HIPK3: variants seen among roughly 807,000 people sequenced by gnomAD.
HIPK3 encodes the protein homeodomain interacting protein kinase 3, also known as homeodomain-interacting protein kinase 3.
Under a neutral mutation model 124.2 loss-of-function variants are expected in HIPK3, and 47 were observed. The observed-to-expected ratio is 0.38, with a 90% confidence interval of 0.30 to 0.48. The LOEUF (loss-of-function observed/expected upper bound fraction) is 0.48. Ranked by LOEUF, HIPK3 falls within the 20% of genes least tolerant of loss-of-function variation. HIPK3 has a pLI of 0.98. For missense variants in HIPK3, 1,286 were observed against 1,454.3 expected (o/e 0.88, Z 1.88); for synonymous variants, 482 against 515.2 (o/e 0.94, Z 0.87).
intron 2 of HIPK3, among the ~76,000 whole-genome samples, chr11:33,306,223 A>G (rs1852155018): frequency 6.6e-6 from 1 of 152,228 alleles, no homozygotes; most frequent in Non-Finnish European, 1.5e-5. Context: ...GATTTTGAGT[A>G]ATAGTAAAAT....
intron 14 of HIPK3, among the ~76,000 whole-genome samples, chr11:33,349,739 C>T (rs1339308540): frequency 3.9e-5 from 6 of 152,134 alleles, no homozygotes; most frequent in Non-Finnish European, 7.4e-5. Context: ...GCATGAGCCA[C>T]CATACCTAAC....
intron 1 of HIPK3, among the ~76,000 whole-genome samples, chr11:33,284,580 G>A (rs541893344): frequency 6.6e-6 from 1 of 152,252 alleles, no homozygotes; most frequent in African/African-American, 2.4e-5. Context: ...GATCACTCAG[G>A]CCAGGAGTTG....
chr11:33,329,228 T>G (rs994869746), intron 3 of HIPK3, among the ~76,000 whole-genome samples: 12 of 152,236 alleles, frequency 7.9e-5, no homozygotes, highest in Non-Finnish European at 1.5e-4. Flanking sequence ...TGTGTGCTAG[T>G]AGTCTTAAAT....
chr11:33,318,675 C>G (rs1457596017), intron 2 of HIPK3, among the ~76,000 whole-genome samples: 1 of 152,174 alleles, frequency 6.6e-6, no homozygotes, highest in Non-Finnish European at 1.5e-5. Context: ...AGCAAAATCT[C>G]TCTGTCTCTT....
chr11:33,327,738 A>C (rs970767388), intron 2 of HIPK3, among the ~76,000 whole-genome samples: 2 of 152,226 alleles, frequency 1.3e-5, no homozygotes, highest in African/African-American at 4.8e-5. Flanking sequence ...AAAATTAAAC[A>C]CATGCACACT....
chr11:33,304,188 C>G (rs1193424846), intron 2 of HIPK3, among the ~76,000 whole-genome samples: 2 of 152,214 alleles, frequency 1.3e-5, no homozygotes, highest in Non-Finnish European at 2.9e-5. Flanking sequence ...ATCTACCCAC[C>G]TTGGCCTTCC....
At chr11:33,317,955 A>G (rs1852554592) in intron 2 of HIPK3, among the ~76,000 whole-genome samples, 1 of 152,148 alleles carries the variant, frequency 6.6e-6, no homozygotes, top group African/African-American at 2.4e-5. Context: ...CCAAAATAAG[A>G]GCTTTGTTTT....
intron 3 of HIPK3, among the ~76,000 whole-genome samples, chr11:33,331,382 G>T (rs1226165090): frequency 6.6e-6 from 1 of 151,816 alleles, no homozygotes; most frequent in Non-Finnish European, 1.5e-5. Context: ...TGGGGAGTTG[G>T]TATTTTTTTT....
At chr11:33,267,952 T>C (rs1231686242) in intron 1 of HIPK3, among the ~76,000 whole-genome samples, 1 of 152,158 alleles carries the variant, frequency 6.6e-6, no homozygotes, top group Non-Finnish European at 1.5e-5. Flanking sequence ...GGCTCAAACC[T>C]TTAATCCCAG....
chr11:33,257,316 T>G (rs189645263), upstream of HIPK3: 2,691 of 982,980 alleles, frequency 2.7e-3, 196 homozygotes, highest in Admixed American at 0.13. Context: ...GGGCGGGCGG[T>G]GGCGCTGCGG....
At chr11:33,351,071 A>C (rs1348021366) in intron 14 of HIPK3, among the ~76,000 whole-genome samples, 1 of 152,190 alleles carries the variant, frequency 6.6e-6, no homozygotes, top group Non-Finnish European at 1.5e-5. Context: ...TCAGGGCCCA[A>C]GAGTGTCAGG....
rs1853754445 is a variant in HIPK3, at chr11:33,354,211, T to G, written c.*643T>G. On this transcript the variant is annotated 3_prime_UTR_variant, in exon 17 of 17. Transcript: ENST00000303296. The stretch of plus-strand genomic sequence containing the variant: ...ATTCAGACCTACTATTTAGTTTCCT[T>G]TTGATAGCGTAATGTTCATTTTTGT... The G allele has an allele frequency of 6.5e-6, 1 of 152,706 alleles. No homozygotes were observed. Among genetic ancestry groups the G allele is most frequent in the Non-Finnish European group, 1.5e-5 (1 of 68,060 alleles). 9.5% of individuals were successfully genotyped at this position (152,706 alleles called of 1,614,324 possible). A position where few individuals can be genotyped will look rare whatever the true frequency, so the allele number is the denominator to read the frequency against.
At chr11:33,299,779 A>T (rs1275096428) in intron 2 of HIPK3, among the ~76,000 whole-genome samples, 1 of 152,094 alleles carries the variant, frequency 6.6e-6, no homozygotes. Context: ...TTATCCTAGC[A>T]CTTTGGGAGG....
In HIPK3 at chr11:33,286,391, CTT is replaced by C. The variant is rs34512764; in HGVS notation, c.-2-6_-2-5del. The C allele has an allele frequency of 0.15, 165,477 of 1,115,854 alleles. 66 individuals are homozygous for C. The highest frequency in any genetic ancestry group is 0.16 in the Non-Finnish European group (139,058 of 882,184). The allele number at this position is 1,115,854 out of a possible 1,614,324, so 69.1% of individuals were successfully genotyped here. On this transcript the variant is annotated intron_variant, in intron 1 of 16. Transcript: ENST00000303296. Reference sequence around the variant, plus strand: ...TTCTTCTTTCCTTTTTTTTCTTTTCCTTTTTTTTTTTTTTTTTGCAGGTATGG... The same window carrying C: ...TTCTTCTTTCCTTTTTTTTCTTTTCCTTTTTTTTTTTTTTTGCAGGTATGG...
rs764431138 is a variant in HIPK3, at chr11:33,353,269, A to G, written c.3349A>G (p.Thr1117Ala). 1.1e-5 allele frequency: 17 copies of G among 1,613,826 alleles called. No homozygotes were observed. In the Admixed American group the frequency reaches 2.2e-4, roughly 21 times the overall value. ...AGNTHLGGQP[T>A]LLPYPSSATL... The stretch of plus-strand genomic sequence containing the variant: ...AAATACACACCTCGGAGGACAGCCT[A>G]CTCTACTTCCATACCCATCATCAGC... Residue 1117 changes from threonine (T) to alanine (A), a missense_variant, in exon 17 of 17, where the codon ACT becomes GCT. Physicochemically the swap from Thr to Ala is moderately conservative, Grantham distance 58. Around this residue, in one of 3 missense-constraint regions of HIPK3, gnomAD observed 810 missense variants for 864.9 expected, o/e 0.94. Coordinates refer to ENST00000303296, the MANE Select transcript of HIPK3 (RefSeq NM_005734.5).
In HIPK3 at chr11:33,286,446, A is replaced by G. The variant is rs1246633726; in HGVS notation, c.32A>G (p.Tyr11Cys). MASQVLVYPP[Y>C]VYQTQSSAFC... ...TCACAAGTCTTGGTCTACCCACCAT[A>G]TGTTTATCAAACTCAGTCAAGTGCC... Residue 11 changes from tyrosine (Y) to cysteine (C), a missense_variant, in exon 2 of 17, where the codon TAT becomes TGT. Coordinates refer to ENST00000303296, the MANE Select transcript of HIPK3 (RefSeq NM_005734.5). 1.3e-6 allele frequency: 2 copies of G among 1,584,674 alleles called. No individual in the cohort carries two copies. Among genetic ancestry groups the G allele is most frequent in the Non-Finnish European group, 1.7e-6 (2 of 1,172,068 alleles).
chr11:33,270,682 G>A (rs993778275), intron 1 of HIPK3, among the ~76,000 whole-genome samples: 1 of 152,158 alleles, frequency 6.6e-6, no homozygotes, highest in Non-Finnish European at 1.5e-5. Flanking sequence ...GAGTCTGGGT[G>A]TGGTAGCTCA....
chr11:33,311,356 T>C (rs1180648303), intron 2 of HIPK3, among the ~76,000 whole-genome samples: 1 of 152,180 alleles, frequency 6.6e-6, no homozygotes, highest in Admixed American at 6.5e-5. Flanking sequence ...TGACTCATTT[T>C]TTCATTTTGT....
In HIPK3 at chr11:33,257,757, G is replaced by T; in HGVS notation, c.-135G>T. 1.0e-6 allele frequency: 1 copy of T among 988,294 alleles called. No homozygotes were observed. The highest frequency in any genetic ancestry group is 4.6e-5 in the South Asian group (1 of 21,732). The allele number at this position is 988,294 out of a possible 1,614,324, so 61.2% of individuals were successfully genotyped here. A position where few individuals can be genotyped will look rare whatever the true frequency, so the allele number is the denominator to read the frequency against. ...AAGATGGCAGCGGCCGCGGAGAGGGGCTGAGCCCGGGCTGGGTGGTGCCGC... is the reference window on the plus strand; with the variant it reads ...AAGATGGCAGCGGCCGCGGAGAGGGTCTGAGCCCGGGCTGGGTGGTGCCGC... On this transcript the variant is annotated 5_prime_UTR_variant, in exon 1 of 17. Coordinates refer to ENST00000303296, the MANE Select transcript of HIPK3 (RefSeq NM_005734.5).
Sources: gnomAD v4.1 joint callset for allele counts (sites outside exome capture counted in the v4.1 genomes callset) on GRCh38, gnomAD v4.1.1 for gene constraint, gnomAD v4.1.1 regional missense constraint, MANE v1.5 for transcripts, NCBI Gene and HGNC (gene_info 2026-07-23, HGNC 2026-07-21) for gene names.